The following RHCE variants were observed in gnomAD, a reference collection of about 807,000 sequenced individuals.
RHCE encodes the protein blood group Rh(CE) polypeptide.
A neutral mutation model predicts 43.8 loss-of-function variants in RHCE; 22 were observed. That is an observed-to-expected ratio of 0.50 (90% CI 0.36 to 0.72). The LOEUF is 0.72. Ranked by LOEUF, RHCE falls within the 30% of genes least tolerant of loss-of-function variation. The pLI is 0.00. For synonymous variants in RHCE, 156 were observed against 210.7 expected, an observed-to-expected ratio of 0.74 and a Z score of 2.25; for missense variants, 385 against 525.4, an observed-to-expected ratio of 0.73 and a Z score of 2.61.
At chr1:25,386,827 C>T (rs1188321395) in intron 6 of RHCE, among the ~76,000 whole-genome samples, 1 of 140,004 alleles carries the variant, frequency 7.1e-6, no homozygotes, top group Non-Finnish European at 1.5e-5. Context: ...GTCTCAACAA[C>T]AACAACAACA....
chr1:25,414,755 G>C (rs1647248786), intron 1 of RHCE, among the ~76,000 whole-genome samples: 1 of 152,124 alleles, frequency 6.6e-6, no homozygotes, highest in African/African-American at 2.4e-5. Flanking sequence ...ATGGCCCCCA[G>C]TGAATCACCA....
At chr1:25,405,137 C>T (rs1283499060) in intron 2 of RHCE, among the ~76,000 whole-genome samples, 3 of 151,650 alleles carry the variant, frequency 2.0e-5, no homozygotes, top group Non-Finnish European at 2.9e-5. Context: ...GTGGGCAGAT[C>T]ACTTGAGCCC....
At chr1:25,411,917 A>G (rs61540932) in intron 1 of RHCE, among the ~76,000 whole-genome samples, 2,809 of 152,328 alleles carry the variant, frequency 0.018, 90 homozygotes, top group African/African-American at 0.064. Flanking sequence ...GCAATGCTAT[A>G]TGCATAGGGT....
intron 1 of RHCE, among the ~76,000 whole-genome samples, chr1:25,420,413 C>A (rs1236409724): frequency 6.6e-6 from 1 of 152,098 alleles, no homozygotes; most frequent in Admixed American, 6.5e-5. Flanking sequence ...TCTCACTGTG[C>A]TGAAAAATCA....
rs1371512268 is a variant in RHCE, at chr1:25,407,508, A to G, written c.335+1175T>C. ...CAGCACAGTTCCTGGCTCATAGAGA[A>G]ATGTTTAACAGCAGTGCCCAGAGGT... On this transcript the variant is annotated intron_variant, in intron 2 of 9. Coordinates refer to ENST00000294413, the MANE Select transcript of RHCE (RefSeq NM_020485.8). Among the ~76,000 whole-genome samples, 4 of 122,948 alleles carry G rather than the reference A, an allele frequency of 3.3e-5. 1 individual carries two copies. Among genetic ancestry groups the G allele is most frequent in the Admixed American group, 2.6e-4 (3 of 11,364 alleles). 80.7% of individuals were successfully genotyped at this position (122,948 alleles called of 152,430 possible).
At position 25,390,737 on chromosome 1, in the gene RHCE, C is replaced by G. The variant is rs780030509; in HGVS notation, c.801+12G>C. On this transcript the variant is annotated intron_variant, in intron 5 of 9. Coordinates refer to ENST00000294413, the MANE Select transcript of RHCE (RefSeq NM_020485.8). Reference sequence around the variant, plus strand: ...AGACCCAAGTGCTGCCCAAGGGCAGCGCCCTGCTCACCATGCTGATCTTCC... The same window carrying G: ...AGACCCAAGTGCTGCCCAAGGGCAGGGCCCTGCTCACCATGCTGATCTTCC... 1.1e-5 allele frequency: 18 copies of G among 1,614,060 alleles called. No individual in the cohort carries two copies. Among genetic ancestry groups the G allele is most frequent in the Non-Finnish European group, 1.5e-5 (18 of 1,180,038 alleles).
Position 25,385,799 on chromosome 1 carries a change from G to C in RHCE, c.985C>G (p.His329Asp). The change falls in exon 7 of 10, where the codon CAC becomes GAC. Residue 329 changes from histidine (H) to aspartate (D), a missense_variant. Coordinates refer to ENST00000294413, the MANE Select transcript of RHCE (RefSeq NM_020485.8). The part of the protein sequence containing the change: ...VLGIHHISVM[H>D]SIFSLLGLLG... ...AGACCCAGCAAGCTGAAGATGGAGT[G>C]CATGACGGAGATGTGGTGAATCCCC... 6.2e-7 allele frequency: 1 copy of C among 1,614,030 alleles called. No individual in the cohort carries two copies. The highest frequency in any genetic ancestry group is 1.1e-5 in the South Asian group (1 of 91,082).
chr1:25,377,617 T>C (rs998052346), intron 7 of RHCE, among the ~76,000 whole-genome samples: 7 of 151,700 alleles, frequency 4.6e-5, no homozygotes, highest in Non-Finnish European at 1.0e-4. Context: ...AAAGGTGGGC[T>C]GGGCATGGTG....
At position 25,362,345 on chromosome 1, in the gene RHCE, A is replaced by G. The variant is rs936974348; in HGVS notation, c.*182T>C. On this transcript the variant is annotated 3_prime_UTR_variant, in exon 10 of 10. Coordinates refer to ENST00000294413, the MANE Select transcript of RHCE (RefSeq NM_020485.8). ...TAAACATTTATTTTAAACTTATTAA[A>G]TTGACTCTTAAACTAAGTTTTTAGT... 4.2e-5 allele frequency: 57 copies of G among 1,353,250 alleles called. No individual in the cohort carries two copies. Among genetic ancestry groups the G allele is most frequent in the Non-Finnish European group, 5.6e-5 (55 of 982,630 alleles). The allele number at this position is 1,353,250 out of a possible 1,614,324, so 83.8% of individuals were successfully genotyped here.
intron 8 of RHCE, among the ~76,000 whole-genome samples, chr1:25,372,676 T>G (rs573135756): frequency 6.6e-6 from 1 of 151,922 alleles, no homozygotes; most frequent in Non-Finnish European, 1.5e-5. Flanking sequence ...TTGATAGGAT[T>G]GTTCCTTAAA....
intron 3 of RHCE, among the ~76,000 whole-genome samples, chr1:25,400,714 C>A (rs534314891): frequency 1.3e-5 from 2 of 151,816 alleles, no homozygotes; most frequent in East Asian, 3.9e-4. Context: ...TCTACCCGCC[C>A]CAACCTTAAC....
At chr1:25,387,834 T>A (rs1318340000) in intron 6 of RHCE, among the ~76,000 whole-genome samples, 1 of 152,208 alleles carries the variant, frequency 6.6e-6, no homozygotes, top group Non-Finnish European at 1.5e-5. Context: ...CACTTTTTTT[T>A]TTTTAAGACA....
In RHCE at chr1:25,390,776, C is replaced by T. The variant is rs199994902; in HGVS notation, c.774G>A (p.Leu258=). 32 of 1,614,176 alleles carry T rather than the reference C, an allele frequency of 2.0e-5. No homozygotes were observed. In the Admixed American group the frequency reaches 5.3e-4, roughly 27 times the overall value. The part of the protein sequence containing the change: ...SVVTAISGSS[L]AHPQRKISMT... ...TGCTGATCTTCCTTTGGGGGTGAGC[C>T]AAGGATGACCCTGAGATGGCTGTCA... Residue 258 remains leucine (L), a synonymous_variant, in exon 5 of 10, where the codon TTG becomes TTA. Coordinates refer to ENST00000294413, the MANE Select transcript of RHCE (RefSeq NM_020485.8).
intron 6 of RHCE, among the ~76,000 whole-genome samples, chr1:25,387,909 C>G (rs141462787): frequency 6.6e-6 from 1 of 152,034 alleles, no homozygotes; most frequent in East Asian, 1.9e-4. Context: ...CAAGCTCTGT[C>G]TCCCAGGTTC....
chr1:25,368,753 A>G (rs1645508508), intron 9 of RHCE, among the ~76,000 whole-genome samples: 1 of 149,706 alleles, frequency 6.7e-6, no homozygotes, highest in African/African-American at 2.5e-5. Context: ...CACTTTAAAT[A>G]TGTACAATTG....
At chr1:25,372,933 C>G (rs551695432) in intron 8 of RHCE, among the ~76,000 whole-genome samples, 1 of 151,686 alleles carries the variant, frequency 6.6e-6, no homozygotes, top group Admixed American at 6.6e-5. Flanking sequence ...GCCTCCGGAG[C>G]AGCTGGGACT....
intron 7 of RHCE, among the ~76,000 whole-genome samples, chr1:25,379,770 G>A (rs1482230586): frequency 2.6e-5 from 4 of 151,936 alleles, no homozygotes; most frequent in African/African-American, 9.7e-5. Flanking sequence ...AAACTCCTGG[G>A]CTCAAGTGAT....
upstream of RHCE, chr1:25,421,036 G>C: frequency 1.9e-6 from 1 of 515,652 alleles, no homozygotes; most frequent in African/African-American, 1.9e-5. Context: ...TCCTGTTACA[G>C]GTTCCTGCTG....
At chr1:25,381,170 G>A (rs1489439663) in intron 7 of RHCE, among the ~76,000 whole-genome samples, 1 of 152,058 alleles carries the variant, frequency 6.6e-6, no homozygotes, top group East Asian at 1.9e-4. Flanking sequence ...GTGACCTACG[G>A]ATTTTCTGCT....
Sources: allele counts gnomAD v4.1 joint callset (sites outside exome capture counted in the v4.1 genomes callset), GRCh38; gene constraint gnomAD v4.1.1; transcripts MANE v1.5; gene names NCBI Gene and HGNC (gene_info 2026-07-23, HGNC 2026-07-21).